The following STIM1 variants were observed in gnomAD, a reference collection of about 807,000 sequenced individuals.
The protein encoded by STIM1 is stromal interaction molecule 1.
Under a neutral mutation model 74.7 loss-of-function variants are expected in STIM1, and 25 were observed. The ratio of observed to expected loss-of-function variants is 0.33; its 90% CI spans 0.24 to 0.47. STIM1 has a LOEUF of 0.47. Among genes scored for constraint, STIM1 ranks in the 20% least tolerant of loss-of-function variants. The pLI is 1.00. For missense variants in STIM1, 728 were observed against 920.8 expected (o/e 0.79, Z 2.71); for synonymous variants, 328 against 348.8 (o/e 0.94, Z 0.66).
intron 1 of STIM1, among the ~76,000 whole-genome samples, chr11:3,943,490 A>T (rs2135620718): frequency 6.6e-6 from 1 of 152,326 alleles, no homozygotes; most frequent in African/African-American, 2.4e-5. Flanking sequence ...TAAAGACTGT[A>T]AGCTGGTAAA....
intron 2 of STIM1, among the ~76,000 whole-genome samples, chr11:3,988,024 C>A (rs558256004): frequency 2.0e-5 from 3 of 152,126 alleles, no homozygotes. Flanking sequence ...ATAAGGAACA[C>A]GTGATGAGCT....
chr11:4,040,195 T>C (rs2094137674), intron 3 of STIM1, among the ~76,000 whole-genome samples: 1 of 152,176 alleles, frequency 6.6e-6, no homozygotes, highest in Admixed American at 6.5e-5. Flanking sequence ...TATGTAAACA[T>C]TTCTGTGTTA....
Position 3,995,554 on chromosome 11 carries a change from C to A in STIM1, c.270+27872C>A, listed in dbSNP as rs1406217831. 3.3e-5 allele frequency among the ~76,000 whole-genome samples: 5 copies of A among 152,126 alleles called. No homozygotes were observed. In the East Asian group the frequency reaches 5.8e-4, roughly 18 times the overall value. The stretch of plus-strand genomic sequence containing the variant: ...GTTGCTCTGCTCTTTTCAGCAATGC[C>A]CTGAGGCATAAATTGCTTCCCAGAC... On this transcript the variant is annotated intron_variant, in intron 2 of 12. Coordinates refer to ENST00000526596, the MANE Select transcript of STIM1 (RefSeq NM_001382567.1).
chr11:3,959,408 T>C (rs11030404), intron 1 of STIM1, among the ~76,000 whole-genome samples: 52,222 of 152,006 alleles, frequency 0.34, 9,180 homozygotes, highest in South Asian at 0.48. Flanking sequence ...TTGGGAGATA[T>C]GGTTTTTTAA....
At chr11:3,895,584 G>C (rs994348804) in intron 1 of STIM1, among the ~76,000 whole-genome samples, 1 of 137,550 alleles carries the variant, frequency 7.3e-6, no homozygotes, top group Admixed American at 7.5e-5. Context: ...TCTGGGTTCC[G>C]GGAATAGTGT....
intron 1 of STIM1, among the ~76,000 whole-genome samples, chr11:3,883,555 G>T (rs1248951197): frequency 1.3e-5 from 2 of 152,138 alleles, no homozygotes; most frequent in Admixed American, 1.3e-4. Flanking sequence ...GTTTTACCAT[G>T]TTGGTCAGGC....
intron 2 of STIM1, among the ~76,000 whole-genome samples, chr11:3,985,256 C>T (rs1176969059): frequency 1.3e-5 from 2 of 152,050 alleles, no homozygotes; most frequent in South Asian, 2.1e-4. Context: ...GTAATCCTGT[C>T]GATGACAGGG....
intron 1 of STIM1, among the ~76,000 whole-genome samples, chr11:3,869,344 C>G (rs887589920): frequency 6.6e-6 from 1 of 152,186 alleles, no homozygotes; most frequent in African/African-American, 2.4e-5. Context: ...CATCGGGTCT[C>G]TCACTTTATA....
In STIM1 at chr11:4,091,534, G is replaced by C. The variant is rs199874116; in HGVS notation, c.1887G>C (p.Glu629Asp). The change falls in exon 13 of 13, where the codon GAG becomes GAC. Residue 629 changes from glutamate (E) to aspartate (D), a missense_variant. Physicochemically the swap from Glu to Asp is conservative, Grantham distance 45. This residue lies in a region of STIM1 where 352 missense variants were observed against 370.1 expected (regional missense o/e 0.95). Transcript: ENST00000526596. ...HGLDKAHSLM[E>D]LSPSAPPGGS... ...TGGACAAGGCCCACAGCCTGATGGA[G>C]CTGAGCCCCTCAGCCCCACCTGGTG... 5.6e-6 allele frequency: 9 copies of C among 1,614,202 alleles called. No homozygotes were observed. Among genetic ancestry groups the C allele is most frequent in the Non-Finnish European group, 6.8e-6 (8 of 1,180,030 alleles).
intron 12 of STIM1, chr11:4,088,991 G>A (rs1161704383): frequency 4.7e-6 from 2 of 428,882 alleles, no homozygotes; most frequent in African/African-American, 4.0e-5. Context: ...TAGCACTTTG[G>A]GAGGCCGAGA....
chr11:4,091,334 C>G lies in STIM1; in HGVS notation c.1687C>G (p.Arg563Gly). The change falls in exon 13 of 13, where the codon CGT (arginine) becomes GGT (glycine). Residue 563 changes from arginine to glycine, a missense_variant. This residue lies in a region of STIM1 where 352 missense variants were observed against 370.1 expected (regional missense o/e 0.95). Transcript: ENST00000526596. ...CTCCCTCCACATGAGTGACCGCCAG[C>G]GTGTGGCCCCCAAACCTCCTCAGAT... is the stretch of plus-strand genomic sequence containing the variant. ...ESSLHMSDRQ[R>G]VAPKPPQMSR... 5 of 1,614,232 alleles carry G rather than the reference C, an allele frequency of 3.1e-6. No individual in the cohort carries two copies. The highest frequency in any genetic ancestry group is 4.2e-6 in the Non-Finnish European group (5 of 1,180,038).
At chr11:4,007,622 C>A (rs1234411429) in intron 2 of STIM1, among the ~76,000 whole-genome samples, 1 of 152,142 alleles carries the variant, frequency 6.6e-6, no homozygotes, top group African/African-American at 2.4e-5. Context: ...CAGAAGAAGT[C>A]ACCTTTGATC....
intron 1 of STIM1, among the ~76,000 whole-genome samples, chr11:3,927,822 C>T (rs750526): frequency 4.6e-5 from 7 of 152,146 alleles, no homozygotes; most frequent in Non-Finnish European, 1.0e-4. Context: ...TTGATAAGTT[C>T]TTTTTCTCCT....
chr11:4,086,812 C>T lies in STIM1; in HGVS notation c.1634+269C>T, dbSNP rs139558513. ...CCAGATGGAGCCCTACCCTGACACACCCCCTTCTGACAGCACCGCTGTGAT... is the reference window on the plus strand; with the variant it reads ...CCAGATGGAGCCCTACCCTGACACATCCCCTTCTGACAGCACCGCTGTGAT... On this transcript the variant is annotated intron_variant, in intron 12 of 12. Transcript: ENST00000526596. 2.6e-6 allele frequency: 4 copies of T among 1,536,410 alleles called. No individual in the cohort carries two copies. The Admixed American group carries it at 5.9e-5, about 23-fold the overall frequency.
chr11:4,023,015 C>T (rs1300506915), intron 2 of STIM1, among the ~76,000 whole-genome samples: 3 of 152,162 alleles, frequency 2.0e-5, no homozygotes, highest in Non-Finnish European at 2.9e-5. Flanking sequence ...GATTATCAAA[C>T]AATTTGTGGA....
At chr11:3,910,134 T>C (rs2092537753) in intron 1 of STIM1, among the ~76,000 whole-genome samples, 1 of 152,136 alleles carries the variant, frequency 6.6e-6, no homozygotes, top group Non-Finnish European at 1.5e-5. Context: ...TGCCAGATTA[T>C]AGAGAGCCTT....
intron 1 of STIM1, among the ~76,000 whole-genome samples, chr11:3,956,402 G>T (rs1452643001): frequency 6.6e-6 from 1 of 152,122 alleles, no homozygotes; most frequent in African/African-American, 2.4e-5. Flanking sequence ...AAGTAGGAAG[G>T]TTAGGGAAAA....
Position 3,968,781 on chromosome 11 carries a change from T to C in STIM1, c.270+1099T>C, listed in dbSNP as rs186735706. 2.2e-3 allele frequency among the ~76,000 whole-genome samples: 328 copies of C among 152,304 alleles called. 4 individuals are homozygous for C. The highest frequency in any genetic ancestry group is 7.5e-3 in the African/African-American group (312 of 41,568). ...AAGTAAATCAATCAGACTTAAGTAA[T>C]GATGATAGTAAAGTGAAAACCATGA... On this transcript the variant is annotated intron_variant, in intron 2 of 12. Transcript: ENST00000526596.
At chr11:3,898,655 C>T (rs879420550) in intron 1 of STIM1, among the ~76,000 whole-genome samples, 23 of 151,860 alleles carry the variant, frequency 1.5e-4, no homozygotes, top group Middle Eastern at 3.4e-3. Flanking sequence ...TTAGGTCTAA[C>T]GTTTAAGTCT....
Sources: allele counts gnomAD v4.1 joint callset (sites outside exome capture counted in the v4.1 genomes callset), GRCh38; gene constraint gnomAD v4.1.1; regional missense constraint gnomAD v4.1.1; transcripts MANE v1.5; gene names NCBI Gene and HGNC (gene_info 2026-07-23, HGNC 2026-07-21).